PLA2G2D: variants seen among roughly 807,000 people sequenced by gnomAD.
PLA2G2D encodes phospholipase A2 group IID.
Under a neutral mutation model 13.9 loss-of-function variants are expected in PLA2G2D, and 17 were observed. The ratio of observed to expected loss-of-function variants is 1.23; its 90% CI spans 0.84 to 1.84. The LOEUF is 1.84. Among genes scored for constraint, PLA2G2D ranks in the 40% most tolerant of loss-of-function variants. The pLI is 0.00. For missense variants in PLA2G2D, 194 were observed against 178.7 expected (o/e 1.09, Z -0.49); for synonymous variants, 83 against 69.3 (o/e 1.20, Z -0.98).
rs1037981027 is a variant in PLA2G2D, at chr1:20,113,302, G to C, written c.*812C>G. 2 of 152,452 alleles carry C rather than the reference G, an allele frequency of 1.3e-5. No homozygotes were observed. Among genetic ancestry groups the C allele is most frequent in the African/African-American group, 4.8e-5 (2 of 41,464 alleles). 9.4% of individuals were successfully genotyped at this position (152,452 alleles called of 1,614,324 possible). A position where few individuals can be genotyped will look rare whatever the true frequency, so the allele number is the denominator to read the frequency against. Reference sequence around the variant, plus strand: ...GAGGGAGTGAGCCCTTGCAGTCAGGGAGAAGGAGTCAGCCTGGGGAGACTT... The same window carrying C: ...GAGGGAGTGAGCCCTTGCAGTCAGGCAGAAGGAGTCAGCCTGGGGAGACTT... On this transcript the variant is annotated 3_prime_UTR_variant, in exon 4 of 4. Coordinates refer to ENST00000375105, the MANE Select transcript of PLA2G2D (RefSeq NM_012400.4).
At chr1:20,118,722 G>A (rs1487094045) in intron 1 of PLA2G2D, among the ~76,000 whole-genome samples, 1 of 152,188 alleles carries the variant, frequency 6.6e-6, no homozygotes, top group Non-Finnish European at 1.5e-5. Context: ...AGAGATGGCG[G>A]GGCCTGCATT....
rs909375419 is a variant in PLA2G2D, at chr1:20,113,770, G to A, written c.*344C>T. The A allele has an allele frequency of 1.4e-4, 35 of 247,106 alleles. No homozygotes were observed. Among genetic ancestry groups the A allele is most frequent in the Non-Finnish European group, 2.3e-4 (29 of 128,486 alleles). The allele number at this position is 247,106 out of a possible 1,614,324, so 15.3% of individuals were successfully genotyped here. On this transcript the variant is annotated 3_prime_UTR_variant, in exon 4 of 4. Transcript: ENST00000375105. ...TAGTGGCTGCTGCGGTTGTAGCTCCGAGACTATATTGGAGGGGGTGAGGAA... is the reference window on the plus strand; with the variant it reads ...TAGTGGCTGCTGCGGTTGTAGCTCCAAGACTATATTGGAGGGGGTGAGGAA...
chr1:20,114,356 A>G (rs2016941559), intron 3 of PLA2G2D, 97 bp from the exon 4 acceptor site: 3 of 1,303,176 alleles, frequency 2.3e-6, no homozygotes. Context: ...GTTCCTACTC[A>G]GTCGTAGAGG....
chr1:20,117,106 C>T (rs1029995783), intron 1 of PLA2G2D, among the ~76,000 whole-genome samples: 13 of 152,086 alleles, frequency 8.5e-5, no homozygotes, highest in Non-Finnish European at 1.2e-4. Flanking sequence ...AAAAAAGTTG[C>T]AAAGATAGAA....
chr1:20,119,516 G>A lies in PLA2G2D; in HGVS notation c.-18C>T, dbSNP rs755841883. The A allele has an allele frequency of 6.2e-6, 10 of 1,613,324 alleles. No individual in the cohort carries two copies. Among genetic ancestry groups the A allele is most frequent in the Non-Finnish European group, 7.6e-6 (9 of 1,179,524 alleles). Reference sequence around the variant, plus strand: ...AGTTCCATGATCCCAGCACAGAGCAGTGGAGGCAGATGCTGGCAGTCCCTT... The same window carrying A: ...AGTTCCATGATCCCAGCACAGAGCAATGGAGGCAGATGCTGGCAGTCCCTT... On this transcript the variant is annotated 5_prime_UTR_variant, in exon 1 of 4. Transcript: ENST00000375105.
Position 20,114,058 on chromosome 1 carries a change from C to A in PLA2G2D, c.*56G>T. The A allele has an allele frequency of 6.4e-7, 1 of 1,553,534 alleles. No individual in the cohort carries two copies. Among genetic ancestry groups the A allele is most frequent in the Non-Finnish European group, 8.8e-7 (1 of 1,138,414 alleles). On this transcript the variant is annotated 3_prime_UTR_variant, in exon 4 of 4. Transcript: ENST00000375105. ...AAGCCAGGCTGGTTCAGGTTAGATA[C>A]TGAGGTGGGGATGCCAGAGCTCCAT... is the stretch of plus-strand genomic sequence containing the variant.
chr1:20,118,535 G>A (rs2017031593), intron 1 of PLA2G2D, among the ~76,000 whole-genome samples: 1 of 152,144 alleles, frequency 6.6e-6, no homozygotes, highest in Non-Finnish European at 1.5e-5. Context: ...GTGGGAGGAG[G>A]TGCCACTGCC....
At position 20,116,760 on chromosome 1, in the gene PLA2G2D, T is replaced by G. The variant is rs62541866; in HGVS notation, c.41-283A>C. Among the ~76,000 whole-genome samples, 558 of 152,214 alleles carry G rather than the reference T, an allele frequency of 3.7e-3. 5 individuals are homozygous for G. The highest frequency in any genetic ancestry group is 0.013 in the African/African-American group (530 of 41,552). ...GTTTGAGAGGCCAAGGTGGGCAGATTGCTTGAACACAGGAGTTTGAGACTA... is the reference window on the plus strand; with the variant it reads ...GTTTGAGAGGCCAAGGTGGGCAGATGGCTTGAACACAGGAGTTTGAGACTA... On this transcript the variant is annotated intron_variant, in intron 1 of 3. Coordinates refer to ENST00000375105, the MANE Select transcript of PLA2G2D (RefSeq NM_012400.4).
Position 20,115,515 on chromosome 1 carries a change from A to G in PLA2G2D, c.284T>C (p.Ile95Thr), listed in dbSNP as rs1557767522. The G allele has an allele frequency of 1.3e-6, 2 of 1,587,302 alleles. No homozygotes were observed. Among genetic ancestry groups the G allele is most frequent in the African/African-American group, 1.3e-5 (1 of 74,242 alleles). The change falls in exon 3 of 4, where the codon ATC becomes ACC. Residue 95 changes from isoleucine to threonine, a missense_variant. By Grantham distance (89) the Ile-to-Thr change is moderately conservative. Coordinates refer to ENST00000375105, the MANE Select transcript of PLA2G2D (RefSeq NM_012400.4). ...YYRYNFSQGN[I>T]HCSDKGSWCE... is the part of the protein sequence containing the mutation. ...GAGGTCTGCGTACTCACAGCAGTGG[A>G]TGTTCCCCTGGGAAAAGTTGTATCT... is the stretch of plus-strand genomic sequence containing the variant.
intron 1 of PLA2G2D, among the ~76,000 whole-genome samples, chr1:20,118,581 T>A (rs1331266003): frequency 6.6e-6 from 1 of 152,208 alleles, no homozygotes; most frequent in African/African-American, 2.4e-5. Flanking sequence ...AAGCTATTAT[T>A]TAAGTTTACT....
rs755465051 is a variant in PLA2G2D at position 20,113,788 on chromosome 1, G to C, written c.*326C>G. The C allele has an allele frequency of 3.1e-5, 9 of 294,374 alleles. No individual in the cohort carries two copies. Among genetic ancestry groups the C allele is most frequent in the Non-Finnish European group, 5.1e-5 (8 of 157,568 alleles). 18.2% of individuals were successfully genotyped at this position (294,374 alleles called of 1,614,324 possible). ...TAGCTCCGAGACTATATTGGAGGGG[G>C]TGAGGAAGGACAAGGGGGCCAGCAG... On this transcript the variant is annotated 3_prime_UTR_variant, in exon 4 of 4. Transcript: ENST00000375105.
chr1:20,119,515 A>G lies in PLA2G2D; in HGVS notation c.-17T>C. On this transcript the variant is annotated 5_prime_UTR_variant, in exon 1 of 4. Transcript: ENST00000375105. ...AAGTTCCATGATCCCAGCACAGAGC[A>G]GTGGAGGCAGATGCTGGCAGTCCCT... The G allele has an allele frequency of 6.2e-7, 1 of 1,613,548 alleles. No individual in the cohort carries two copies. The highest frequency in any genetic ancestry group is 8.5e-7 in the Non-Finnish European group (1 of 1,179,578).
intron 2 of PLA2G2D, among the ~76,000 whole-genome samples, chr1:20,115,988 C>T (rs1381289586): frequency 6.6e-6 from 1 of 152,124 alleles, no homozygotes; most frequent in East Asian, 1.9e-4. Context: ...CTCTAGCTGA[C>T]TCCCAGGGTT....
chr1:20,115,169 C>T (rs571754619), intron 3 of PLA2G2D, among the ~76,000 whole-genome samples: 22 of 152,202 alleles, frequency 1.4e-4, no homozygotes, highest in African/African-American at 5.3e-4. Flanking sequence ...TTATGGCAGG[C>T]ATCCTGTGAG....
At chr1:20,117,809 G>T (rs1211505729) in intron 1 of PLA2G2D, among the ~76,000 whole-genome samples, 1 of 152,180 alleles carries the variant, frequency 6.6e-6, no homozygotes, top group Admixed American at 6.5e-5. Flanking sequence ...ATAGTACACA[G>T]TGGGTGAGCC....
intron 1 of PLA2G2D, 31 bp from the exon 2 acceptor site, chr1:20,116,508 G>A (rs761144848): frequency 1.9e-6 from 3 of 1,613,746 alleles, no homozygotes; most frequent in Non-Finnish European, 2.5e-6. Context: ...CAGGAGAGAA[G>A]AGGAGATGAA....
In PLA2G2D at chr1:20,113,047, C is replaced by G. The variant is rs2016916555; in HGVS notation, c.*1067G>C. On this transcript the variant is annotated 3_prime_UTR_variant, in exon 4 of 4. Coordinates refer to ENST00000375105, the MANE Select transcript of PLA2G2D (RefSeq NM_012400.4). ...GCCTGGATGATATCTGGGTGAGGTACCCACACCATCTGCTGCAACCTCTGT... is the reference window on the plus strand; with the variant it reads ...GCCTGGATGATATCTGGGTGAGGTAGCCACACCATCTGCTGCAACCTCTGT... 1 of 152,256 alleles carries G rather than the reference C, an allele frequency of 6.6e-6. No individual in the cohort carries two copies. The highest frequency in any genetic ancestry group is 1.5e-5 in the Non-Finnish European group (1 of 68,080). The allele number at this position is 152,256 out of a possible 1,614,324, so 9.4% of individuals were successfully genotyped here.
At chr1:20,115,971 A>C (rs1451684716) in intron 2 of PLA2G2D, among the ~76,000 whole-genome samples, 1 of 152,094 alleles carries the variant, frequency 6.6e-6, no homozygotes, top group Non-Finnish European at 1.5e-5. Context: ...GCTGGCTCTC[A>C]CCGCTCCTCT....
intron 3 of PLA2G2D, among the ~76,000 whole-genome samples, chr1:20,115,087 G>A (rs2016957247): frequency 6.6e-6 from 1 of 152,128 alleles, no homozygotes; most frequent in Non-Finnish European, 1.5e-5. Flanking sequence ...GGGTTTTGCC[G>A]ATCCTCGACA....
Sources: allele counts gnomAD v4.1 joint callset (sites outside exome capture counted in the v4.1 genomes callset), GRCh38; gene constraint gnomAD v4.1.1; transcripts MANE v1.5; gene names NCBI Gene and HGNC (gene_info 2026-07-23, HGNC 2026-07-21).